RAD51: variants seen among roughly 807,000 people sequenced by gnomAD.
RAD51 encodes DNA repair protein RAD51 homolog 1.
Under a neutral mutation model 41.5 loss-of-function variants are expected in RAD51, and 14 were observed. The ratio of observed to expected loss-of-function variants is 0.34; its 90% CI spans 0.22 to 0.53. The LOEUF is 0.53. Among genes scored for constraint, RAD51 ranks in the 20% least tolerant of loss-of-function variants. The pLI is 0.95. For missense variants in RAD51, 234 were observed against 422.0 expected (o/e 0.55, Z 3.90); for synonymous variants, 136 against 148.6 (o/e 0.92, Z 0.62).
At chr15:40,703,664 G>A (rs1221765986) in intron 3 of RAD51, among the ~76,000 whole-genome samples, 1 of 152,004 alleles carries the variant, frequency 6.6e-6, no homozygotes, top group African/African-American at 2.4e-5. Flanking sequence ...AAAGTCAGTA[G>A]TAATGTCCCC....
upstream of RAD51, chr15:40,694,862 C>A (rs181895078): frequency 8.5e-5 from 13 of 152,194 alleles, no homozygotes; most frequent in Non-Finnish European, 1.5e-4. Context: ...CCTCGCCCCA[C>A]CCGCGAGGGA....
chr15:40,698,200 T>G (rs1470525125), intron 1 of RAD51, among the ~76,000 whole-genome samples: 1 of 151,820 alleles, frequency 6.6e-6, no homozygotes, highest in Non-Finnish European at 1.5e-5. Flanking sequence ...TTTTTTGTTT[T>G]TTTTTTTGAG....
rs142461422 is a variant in RAD51, at chr15:40,720,140, G to A, written c.530+1241G>A. On this transcript the variant is annotated intron_variant, in intron 6 of 9. Transcript: ENST00000267868. ...ACCTACAGGTAGCATCATACTAAAT[G>A]GTGCTCTGTTACCCAGGCTGGAATG... 5.3e-3 allele frequency among the ~76,000 whole-genome samples: 811 copies of A among 152,112 alleles called. 4 individuals are homozygous for A. The highest frequency in any genetic ancestry group is 0.018 in the African/African-American group (754 of 41,512).
chr15:40,696,333 G>A (rs1894633496), intron 1 of RAD51, among the ~76,000 whole-genome samples: 1 of 151,840 alleles, frequency 6.6e-6, no homozygotes, highest in Non-Finnish European at 1.5e-5. Context: ...CCAGCACTTT[G>A]GGAAGTGGAG....
intron 5 of RAD51, among the ~76,000 whole-genome samples, chr15:40,715,616 C>T (rs928681211): frequency 6.6e-6 from 1 of 152,274 alleles, no homozygotes; most frequent in East Asian, 1.9e-4. Context: ...GCTATGATGG[C>T]ACTGGGAGGG....
rs548418842 is a variant in RAD51, at chr15:40,718,621, C to A, written c.436-184C>A. On this transcript the variant is annotated intron_variant, in intron 5 of 9. Transcript: ENST00000267868. ...GCTGTATGTACTGAGACACAATCAG[C>A]TTTACATATTTTTCTAGCTGTATTT... Among the ~76,000 whole-genome samples the A allele has an allele frequency of 2.0e-5, 3 of 152,260 alleles. No homozygotes were observed. In the South Asian group the frequency reaches 6.2e-4, roughly 32 times the overall value.
chr15:40,711,392 A>G (rs1895699418), intron 5 of RAD51, among the ~76,000 whole-genome samples: 1 of 152,198 alleles, frequency 6.6e-6, no homozygotes, highest in Non-Finnish European at 1.5e-5. Flanking sequence ...GTGCCACTGC[A>G]TGTTTTCTGC....
Position 40,731,286 on chromosome 15 carries a change from A to G in RAD51, c.*108A>G. 3.4e-6 allele frequency: 5 copies of G among 1,490,008 alleles called. No individual in the cohort carries two copies. The highest frequency in any genetic ancestry group is 3.7e-6 in the Non-Finnish European group (4 of 1,076,510). The allele number at this position is 1,490,008 out of a possible 1,614,324, so 92.3% of individuals were successfully genotyped here. A position where few individuals can be genotyped will look rare whatever the true frequency, so the allele number is the denominator to read the frequency against. ...CTCTTCCTGTTGTGACTGCCAGGATAAAGCTTCCGGGAAAACAGCTATTAT... is the reference window on the plus strand; with the variant it reads ...CTCTTCCTGTTGTGACTGCCAGGATGAAGCTTCCGGGAAAACAGCTATTAT... On this transcript the variant is annotated 3_prime_UTR_variant, in exon 10 of 10. Transcript: ENST00000267868.
chr15:40,714,789 GTC>G (rs1567046327), intron 5 of RAD51, among the ~76,000 whole-genome samples: 1 of 152,016 alleles, frequency 6.6e-6, no homozygotes, highest in Non-Finnish European at 1.5e-5. Context: ...TATATGTTAG[GTC>G]TCTCTCTAAT....
intron 6 of RAD51, among the ~76,000 whole-genome samples, chr15:40,726,337 C>T (rs535684012): frequency 8.6e-5 from 13 of 151,180 alleles, no homozygotes; most frequent in East Asian, 6.1e-4. Context: ...CTGCAACCTC[C>T]GCCTCTCGGG....
chr15:40,730,114 A>C, intron 9 of RAD51, 140 bp downstream of exon 9: 1 of 1,231,352 alleles, frequency 8.1e-7, no homozygotes. Flanking sequence ...TCTAATTAAC[A>C]TGCTCTCGTT....
At position 40,711,491 on chromosome 15, in the gene RAD51, C is replaced by T. The variant is rs539773785; in HGVS notation, c.435+2375C>T. Reference sequence around the variant, plus strand: ...AGATAATAGATGTCCAAAAACATGCCTGATATATAAAATGAATGTCACAGA... The same window carrying T: ...AGATAATAGATGTCCAAAAACATGCTTGATATATAAAATGAATGTCACAGA... On this transcript the variant is annotated intron_variant, in intron 5 of 9. Coordinates refer to ENST00000267868, the MANE Select transcript of RAD51 (RefSeq NM_002875.5). Among the ~76,000 whole-genome samples, 6 of 152,196 alleles carry T rather than the reference C, an allele frequency of 3.9e-5. No individual in the cohort carries two copies. The South Asian group carries it at 1.0e-3, about 26-fold the overall frequency.
intron 6 of RAD51, among the ~76,000 whole-genome samples, chr15:40,720,745 A>G (rs1185490749): frequency 6.6e-6 from 1 of 152,264 alleles, no homozygotes; most frequent in Non-Finnish European, 1.5e-5. Context: ...AGCAAGAAAA[A>G]GAATAAAATA....
At chr15:40,700,371 A>G (rs1894904296) in intron 2 of RAD51, among the ~76,000 whole-genome samples, 1 of 152,268 alleles carries the variant, frequency 6.6e-6, no homozygotes, top group Non-Finnish European at 1.5e-5. Context: ...GTCATTGTTC[A>G]ACAAAAAGTA....
intron 5 of RAD51, among the ~76,000 whole-genome samples, chr15:40,716,374 CT>C (rs1039394050): frequency 0.011 from 1,600 of 144,714 alleles, 20 homozygotes; most frequent in African/African-American, 0.035. Context: ...GCCACTTCCT[CT>C]TTTTTTTTTT....
At chr15:40,704,924 T>C (rs913508988) in intron 3 of RAD51, among the ~76,000 whole-genome samples, 1 of 152,122 alleles carries the variant, frequency 6.6e-6, no homozygotes, top group African/African-American at 2.4e-5. Context: ...CACCTCAGCC[T>C]CCCAAAGTTC....
chr15:40,715,793 C>T (rs1253567930), intron 5 of RAD51, among the ~76,000 whole-genome samples: 1 of 152,226 alleles, frequency 6.6e-6, no homozygotes, highest in Non-Finnish European at 1.5e-5. Flanking sequence ...AAAGAATCCC[C>T]TGTCATGTTA....
intron 3 of RAD51, among the ~76,000 whole-genome samples, chr15:40,703,215 T>C (rs1293634527): frequency 6.6e-6 from 1 of 152,160 alleles, no homozygotes; most frequent in Admixed American, 6.6e-5. Flanking sequence ...CCTGGGACTA[T>C]GTTTCATACG....
Position 40,731,896 on chromosome 15 carries a change from G to A in RAD51, c.*718G>A, listed in dbSNP as rs7180135. Reference sequence around the variant, plus strand: ...GAGTTTTAAGTCCAGCTTGGCCAAGGTGGTGAAATCCCATCTCTACAAAAA... The same window carrying A: ...GAGTTTTAAGTCCAGCTTGGCCAAGATGGTGAAATCCCATCTCTACAAAAA... On this transcript the variant is annotated 3_prime_UTR_variant, in exon 10 of 10. Transcript: ENST00000267868. 0.64 allele frequency: 136,040 copies of A among 211,414 alleles called. 44,986 individuals carry two copies. Among genetic ancestry groups the A allele is most frequent in the East Asian group, 0.95 (13,273 of 14,020 alleles). The allele number at this position is 211,414 out of a possible 1,614,324, so 13.1% of individuals were successfully genotyped here. A position where few individuals can be genotyped will look rare whatever the true frequency, so the allele number is the denominator to read the frequency against.
Sources: gnomAD v4.1 joint callset for allele counts (sites outside exome capture counted in the v4.1 genomes callset) on GRCh38, gnomAD v4.1.1 for gene constraint, MANE v1.5 for transcripts, NCBI Gene and HGNC (gene_info 2026-07-23, HGNC 2026-07-21) for gene names.